Variants in ZNF423 observed in about 807,000 individuals in gnomAD.
The protein encoded by ZNF423 is Ebf-associated zinc finger protein.
ZNF423 carries 12 observed loss-of-function variants against 95.8 expected under a neutral mutation model. That is an observed-to-expected ratio of 0.13 (90% CI 0.08 to 0.20). The LOEUF (loss-of-function observed/expected upper bound fraction) is 0.20, where lower values mean the gene tolerates loss of function less well. ZNF423 is among the 10% of genes least tolerant of loss of function. The probability of loss-of-function intolerance (pLI) is 1.00; values close to 1 mark genes in which losing one functional copy is unlikely to be tolerated. For missense variants in ZNF423, 1,316 were observed against 1,737.1 expected (o/e 0.76, Z 4.31); for synonymous variants, 749 against 711.9 (o/e 1.05, Z -0.83).
intron 5 of ZNF423, among the ~76,000 whole-genome samples, chr16:49,586,336 A>G (rs1477132194): frequency 6.6e-6 from 1 of 151,516 alleles, no homozygotes; most frequent in African/African-American, 2.4e-5. Context: ...GGCCATTCCC[A>G]GTGTATTACT....
intron 3 of ZNF423, among the ~76,000 whole-genome samples, chr16:49,671,493 C>T (rs1001761068): frequency 7.2e-5 from 11 of 152,184 alleles, no homozygotes; most frequent in Non-Finnish European, 8.8e-5. Flanking sequence ...TGTGCATGCA[C>T]ATGACTTCCA....
At position 49,651,306 on chromosome 16, in the gene ZNF423, A is replaced by C. The variant is rs367917067; in HGVS notation, c.302-12432T>G. On this transcript the variant is annotated intron_variant, in intron 3 of 7. Transcript: ENST00000563137. ...CTCCCAAAGCACTGGGATTACAGTC[A>C]TAAGCCACCACGCCTGGCCCACTTA... 4.6e-5 allele frequency among the ~76,000 whole-genome samples: 7 copies of C among 152,010 alleles called. No homozygotes were observed. The East Asian group carries it at 9.7e-4, about 21-fold the overall frequency.
chr16:49,812,190 C>A (rs967137203), intron 1 of ZNF423, among the ~76,000 whole-genome samples: 1 of 152,224 alleles, frequency 6.6e-6, no homozygotes, highest in African/African-American at 2.4e-5. Context: ...CACTTGCTCA[C>A]GGTCACACAG....
At chr16:49,701,846 A>G (rs989991624) in intron 3 of ZNF423, among the ~76,000 whole-genome samples, 13 of 151,714 alleles carry the variant, frequency 8.6e-5, no homozygotes, top group Non-Finnish European at 1.5e-4. Context: ...CTTCTCTTTC[A>G]CTCTTGCATG....
At chr16:49,525,585 C>A in intron 5 of ZNF423, 91 bp from the exon 6 acceptor site, 1 of 1,548,956 alleles carries the variant, frequency 6.5e-7, no homozygotes, top group Non-Finnish European at 8.8e-7. Flanking sequence ...CCAGCACTAA[C>A]CCCCCTCCAA....
intron 3 of ZNF423, among the ~76,000 whole-genome samples, chr16:49,729,315 A>G (rs2143369777): frequency 6.6e-6 from 1 of 152,344 alleles, no homozygotes; most frequent in African/African-American, 2.4e-5. Flanking sequence ...TGGCTAAATC[A>G]AGAAATATAC....
chr16:49,525,498 C>A lies in ZNF423; in HGVS notation c.3602-4G>T. On this transcript the variant is annotated splice_polypyrimidine_tract_variant and splice_region_variant and intron_variant, in intron 5 of 7. Transcript: ENST00000563137. Reference sequence around the variant, plus strand: ...CACTCGTGGTTGATGCCTTCCTCTGCAAGGAAAACCCGTGACCAGTCAGTG... The same window carrying A: ...CACTCGTGGTTGATGCCTTCCTCTGAAAGGAAAACCCGTGACCAGTCAGTG... The A allele has an allele frequency of 6.2e-7, 1 of 1,613,928 alleles. No individual in the cohort carries two copies. The highest frequency in any genetic ancestry group is 8.5e-7 in the Non-Finnish European group (1 of 1,179,940).
At chr16:49,802,575 C>T (rs2034599055) in intron 1 of ZNF423, among the ~76,000 whole-genome samples, 1 of 152,208 alleles carries the variant, frequency 6.6e-6, no homozygotes, top group African/African-American at 2.4e-5. Context: ...GACAAAGGCA[C>T]AGTGTCACAG....
intron 3 of ZNF423, among the ~76,000 whole-genome samples, chr16:49,709,327 T>C (rs960788000): frequency 2.0e-5 from 3 of 151,734 alleles, no homozygotes; most frequent in Non-Finnish European, 4.4e-5. Flanking sequence ...CCCTGCTCGG[T>C]GTAACAGAGG....
intron 3 of ZNF423, among the ~76,000 whole-genome samples, chr16:49,687,349 G>T (rs191166221): frequency 3.0e-4 from 45 of 152,270 alleles, no homozygotes; most frequent in African/African-American, 1.0e-3. Context: ...TTTTCATTCA[G>T]TTGCACAGGA....
Position 49,651,016 on chromosome 16 carries a change from CT to C in ZNF423, c.302-12143del, listed in dbSNP as rs558948784. Among the ~76,000 whole-genome samples, 209 of 145,226 alleles carry C rather than the reference CT, an allele frequency of 1.4e-3. 2 individuals are homozygous for C. Among genetic ancestry groups the C allele is most frequent in the Middle Eastern group, 3.6e-3 (1 of 274 alleles). ...TTCCTTAATTCACAGTCACTTTTGG[CT>C]TTTTTTTTTTCTTTTTTCTTAGAGA... On this transcript the variant is annotated intron_variant, in intron 3 of 7. Coordinates refer to ENST00000563137, the MANE Select transcript of ZNF423 (RefSeq NM_001379286.1).
intron 1 of ZNF423, among the ~76,000 whole-genome samples, chr16:49,814,862 T>C (rs553491155): frequency 9.3e-5 from 14 of 150,970 alleles, no homozygotes; most frequent in African/African-American, 3.2e-4. Context: ...ACCCCAGGAG[T>C]GTGGATGGCC....
Position 49,736,811 on chromosome 16 carries a change from T to G in ZNF423, c.101-5840A>C, listed in dbSNP as rs140830481. 1.1e-3 allele frequency among the ~76,000 whole-genome samples: 165 copies of G among 152,210 alleles called. 1 individual carries two copies. Among genetic ancestry groups the G allele is most frequent in the Admixed American group, 8.1e-3 (124 of 15,282 alleles). On this transcript the variant is annotated intron_variant, in intron 2 of 7. Transcript: ENST00000563137. ...GTCTCAAAAAATAAAGTAAAAGTAG[T>G]GAATTTTCCCACCTCACTGAGCTAC...
chr16:49,806,019 C>T (rs2034657626), intron 1 of ZNF423, among the ~76,000 whole-genome samples: 1 of 152,262 alleles, frequency 6.6e-6, no homozygotes, highest in Non-Finnish European at 1.5e-5. Context: ...AATCCCATCT[C>T]TCCCTGAGGT....
chr16:49,854,421 G>A (rs1215531902), intron 1 of ZNF423: 3 of 985,320 alleles, frequency 3.0e-6, no homozygotes, highest in African/African-American at 1.7e-5. Context: ...CCAGCCAGGC[G>A]CAAGGCTGGC....
intron 3 of ZNF423, chr16:49,664,029 T>C (rs2030395940): frequency 1.0e-6 from 1 of 979,676 alleles, no homozygotes; most frequent in Admixed American, 6.1e-5. Context: ...CAGCCTGTTT[T>C]ATTCATTCTT....
chr16:49,697,392 G>T lies in ZNF423; in HGVS notation c.301+33379C>A, dbSNP rs531822339. ...TGGCTTATCACATCACCTTCTAATA[G>T]GAGGGCTCACTCCAAAATGCTAATT... On this transcript the variant is annotated intron_variant, in intron 3 of 7. Transcript: ENST00000563137. Among the ~76,000 whole-genome samples, 5 of 152,172 alleles carry T rather than the reference G, an allele frequency of 3.3e-5. No individual in the cohort carries two copies. The South Asian group carries it at 1.0e-3, about 32-fold the overall frequency.
intron 5 of ZNF423, among the ~76,000 whole-genome samples, chr16:49,563,010 C>A (rs1970067317): frequency 6.6e-6 from 1 of 152,168 alleles, no homozygotes; most frequent in Non-Finnish European, 1.5e-5. Context: ...GTCTTGATCT[C>A]CTGACCTCAT....
At chr16:49,758,604 T>A (rs11076497) in intron 2 of ZNF423, among the ~76,000 whole-genome samples, 28,746 of 152,028 alleles carry the variant, frequency 0.19, 2,884 homozygotes, top group East Asian at 0.29. Context: ...TATCCAGGCA[T>A]GGTGGCATGC....
Sources: allele counts gnomAD v4.1 joint callset (sites outside exome capture counted in the v4.1 genomes callset), GRCh38; gene constraint gnomAD v4.1.1; transcripts MANE v1.5; gene names NCBI Gene and HGNC (gene_info 2026-07-23, HGNC 2026-07-21).